Variants in SLC7A1 observed in about 807,000 individuals in gnomAD.
The protein encoded by SLC7A1 is high affinity cationic amino acid transporter 1.
Under a neutral mutation model 53.9 loss-of-function variants are expected in SLC7A1, and 10 were observed. The observed-to-expected ratio is 0.19, with a 90% confidence interval of 0.11 to 0.31. The LOEUF is 0.31. Among genes scored for constraint, SLC7A1 ranks in the 10% least tolerant of loss-of-function variants. The probability of loss-of-function intolerance (pLI) is 1.00; values close to 1 mark genes in which losing one functional copy is unlikely to be tolerated. For synonymous variants in SLC7A1, 342 were observed against 338.7 expected (o/e 1.01, Z -0.11); for missense variants, 525 against 827.2 (o/e 0.63, Z 4.48).
intron 2 of SLC7A1, among the ~76,000 whole-genome samples, chr13:29,536,811 C>T (rs772685912): frequency 1.3e-5 from 2 of 152,230 alleles, no homozygotes; most frequent in African/African-American, 2.4e-5. Context: ...GAGGGCTTTT[C>T]GTCACTGTTA....
rs1883419345 is a variant in SLC7A1, at chr13:29,512,379, C to T, written c.*2101G>A. 6.6e-6 allele frequency: 1 copy of T among 152,282 alleles called. No individual in the cohort carries two copies. The highest frequency in any genetic ancestry group is 1.9e-4 in the East Asian group (1 of 5,180). 9.4% of individuals were successfully genotyped at this position (152,282 alleles called of 1,614,324 possible). On this transcript the variant is annotated 3_prime_UTR_variant, in exon 13 of 13. Transcript: ENST00000380752. ...TCAATCTACAAAATGAGCCATGGCGCCCATTAAAATGTCAAATGTCAACTC... is the reference window on the plus strand; with the variant it reads ...TCAATCTACAAAATGAGCCATGGCGTCCATTAAAATGTCAAATGTCAACTC...
chr13:29,516,114 C>T (rs530660379), intron 12 of SLC7A1, 24 bp downstream of exon 12: 11 of 1,468,100 alleles, frequency 7.5e-6, no homozygotes, highest in African/African-American at 4.2e-5. Flanking sequence ...GGATCTTGGA[C>T]GTGCTGGCAG....
rs1883350431 is a variant in SLC7A1 at position 29,510,161 on chromosome 13, A to G, written c.*4319T>C. 6.6e-6 allele frequency: 1 copy of G among 152,550 alleles called. No individual in the cohort carries two copies. The highest frequency in any genetic ancestry group is 2.1e-4 in the South Asian group (1 of 4,826). The allele number at this position is 152,550 out of a possible 1,614,324, so 9.4% of individuals were successfully genotyped here. The stretch of plus-strand genomic sequence containing the variant: ...GGGGTTTTCAGCTGGCACTCAGCAC[A>G]TTTGTAGAATGACCCAGGAGGGCTC... On this transcript the variant is annotated 3_prime_UTR_variant, in exon 13 of 13. Coordinates refer to ENST00000380752, the MANE Select transcript of SLC7A1 (RefSeq NM_003045.5).
intron 8 of SLC7A1, 111 bp from the exon 9 acceptor site, chr13:29,519,660 C>T: frequency 3.2e-6 from 2 of 615,994 alleles, no homozygotes; most frequent in South Asian, 4.0e-5. Flanking sequence ...GCTTTTACTC[C>T]CACCCCCTCC....
intron 8 of SLC7A1, among the ~76,000 whole-genome samples, chr13:29,521,295 A>G (rs1868618498): frequency 6.6e-6 from 1 of 152,242 alleles, no homozygotes; most frequent in Admixed American, 6.5e-5. Context: ...TTAGTGAATA[A>G]TTCATTCATT....
intron 1 of SLC7A1, among the ~76,000 whole-genome samples, chr13:29,588,860 G>T (rs540479620): frequency 6.6e-6 from 1 of 152,294 alleles, no homozygotes; most frequent in South Asian, 2.1e-4. Context: ...AAAAAGAAAA[G>T]GGGAAAAGGA....
intron 2 of SLC7A1, among the ~76,000 whole-genome samples, chr13:29,539,668 A>C (rs1869580719): frequency 6.6e-6 from 1 of 152,006 alleles, no homozygotes; most frequent in South Asian, 2.1e-4. Flanking sequence ...CCCCCACACC[A>C]AGCCCAGGGA....
rs1446090076 is a variant in SLC7A1, at chr13:29,510,683, CCAGAACG to C, written c.*3790_*3796del. On this transcript the variant is annotated 3_prime_UTR_variant, in exon 13 of 13. Coordinates refer to ENST00000380752, the MANE Select transcript of SLC7A1 (RefSeq NM_003045.5). ...GACACGAACATGCCTCTCACACACC[CCAGAACG>C]CAGCTGTGCTGGAGTTGGGCACAAA... is the stretch of plus-strand genomic sequence containing the variant. 6.6e-6 allele frequency: 1 copy of C among 152,278 alleles called. No individual in the cohort carries two copies. Among genetic ancestry groups the C allele is most frequent in the Non-Finnish European group, 1.5e-5 (1 of 68,054 alleles). 9.4% of individuals were successfully genotyped at this position (152,278 alleles called of 1,614,324 possible).
At chr13:29,568,978 C>T (rs1871083088) in intron 1 of SLC7A1, among the ~76,000 whole-genome samples, 1 of 152,192 alleles carries the variant, frequency 6.6e-6, no homozygotes, top group South Asian at 2.1e-4. Context: ...TTCATCAAAA[C>T]GGGTCTCTGT....
rs73454246 is a variant in SLC7A1 at position 29,595,413 on chromosome 13, C to T, written c.-115+3G>A. On this transcript the variant is annotated splice_donor_region_variant and intron_variant, in intron 1 of 12. Transcript: ENST00000380752. ...CCCTGCGTTGGCGGGGCCGGGCACTCACCAAGCCGGCGGCGGCGGGGCTCC... is the reference window on the plus strand; with the variant it reads ...CCCTGCGTTGGCGGGGCCGGGCACTTACCAAGCCGGCGGCGGCGGGGCTCC... The T allele has an allele frequency of 1.5e-3, 235 of 151,952 alleles. 2 individuals are homozygous for T. Among genetic ancestry groups the T allele is most frequent in the African/African-American group, 5.5e-3 (228 of 41,452 alleles). 9.4% of individuals were successfully genotyped at this position (151,952 alleles called of 1,614,324 possible).
At position 29,530,820 on chromosome 13, in the gene SLC7A1, C is replaced by G. The variant is rs937333243; in HGVS notation, c.530-108G>C. On this transcript the variant is annotated intron_variant, in intron 4 of 12. Transcript: ENST00000380752. ...CGACTGAAAAAGAATCCAAGTGCAT[C>G]GAGCCTCTGCAGACCTCTGTGAGCC... 8.4e-6 allele frequency: 7 copies of G among 833,464 alleles called. No homozygotes were observed. In the African/African-American group the frequency reaches 1.2e-4, roughly 14 times the overall value. 51.6% of individuals were successfully genotyped at this position (833,464 alleles called of 1,614,324 possible). A position where few individuals can be genotyped will look rare whatever the true frequency, so the allele number is the denominator to read the frequency against.
At position 29,535,919 on chromosome 13, in the gene SLC7A1, C is replaced by A. The variant is rs374457127; in HGVS notation, c.270G>T (p.Arg90=). 229 of 1,614,078 alleles carry A rather than the reference C, an allele frequency of 1.4e-4. No homozygotes were observed. Among genetic ancestry groups the A allele is most frequent in the Non-Finnish European group, 1.7e-4 (206 of 1,180,052 alleles). The change falls in exon 3 of 13, where the codon CGG becomes CGT. Residue 90 remains arginine (R), a synonymous_variant. Coordinates refer to ENST00000380752, the MANE Select transcript of SLC7A1 (RefSeq NM_003045.5). The part of the protein sequence containing the change: ...AGLCYGEFGA[R]VPKTGSAYLY... ...GGTAAGCTGAGCCCGTCTTGGGGAC[C>A]CGAGCACCAAACTCGCCATAGCACA...
At chr13:29,593,311 C>A (rs1180315056) in intron 1 of SLC7A1, among the ~76,000 whole-genome samples, 1 of 152,196 alleles carries the variant, frequency 6.6e-6, no homozygotes, top group Non-Finnish European at 1.5e-5. Context: ...CCTTTAAAAT[C>A]TATCCAGGTC....
At chr13:29,535,373 A>G (rs1210613699) in intron 3 of SLC7A1, among the ~76,000 whole-genome samples, 1 of 152,254 alleles carries the variant, frequency 6.6e-6, no homozygotes, top group Non-Finnish European at 1.5e-5. Context: ...AAAAATACAC[A>G]TTTAAATTCA....
chr13:29,532,652 A>G (rs1182103526), intron 4 of SLC7A1, among the ~76,000 whole-genome samples, 172 bp downstream of exon 4: 7 of 152,226 alleles, frequency 4.6e-5, no homozygotes, highest in Non-Finnish European at 1.0e-4. Context: ...AATCTATAAG[A>G]AGCAATGAAG....
At chr13:29,550,726 G>A (rs115887506) in intron 2 of SLC7A1, among the ~76,000 whole-genome samples, 46 of 152,318 alleles carry the variant, frequency 3.0e-4, no homozygotes, top group African/African-American at 1.1e-3. Context: ...CATCCAGACT[G>A]TAGCCCTGTG....
chr13:29,554,321 C>A (rs1407325707), intron 1 of SLC7A1, among the ~76,000 whole-genome samples: 1 of 152,188 alleles, frequency 6.6e-6, no homozygotes, highest in Non-Finnish European at 1.5e-5. Flanking sequence ...CACTTGGACT[C>A]CAATTCGTAC....
chr13:29,527,143 G>A (rs2776961), intron 5 of SLC7A1, among the ~76,000 whole-genome samples: 1 of 151,378 alleles, frequency 6.6e-6, no homozygotes, highest in African/African-American at 2.4e-5. Flanking sequence ...AATATATACG[G>A]AGTGCCGCGT....
At chr13:29,551,276 A>G (rs372092440) in intron 2 of SLC7A1, among the ~76,000 whole-genome samples, 1 of 152,194 alleles carries the variant, frequency 6.6e-6, no homozygotes, top group East Asian at 1.9e-4. Flanking sequence ...CCCTCTTTGC[A>G]GAGGCTGAGG....
Sources: allele counts gnomAD v4.1 joint callset (sites outside exome capture counted in the v4.1 genomes callset), GRCh38; gene constraint gnomAD v4.1.1; transcripts MANE v1.5; gene names NCBI Gene and HGNC (gene_info 2026-07-23, HGNC 2026-07-21).